Variants in CSMD3 observed in about 807,000 individuals in gnomAD.
CSMD3 encodes the protein CUB and sushi domain-containing protein 3.
Under a neutral mutation model 435.2 loss-of-function variants are expected in CSMD3, and 177 were observed. The observed-to-expected ratio is 0.41, with a 90% CI of 0.36 to 0.46. The LOEUF is 0.46. Ranked by LOEUF, CSMD3 falls within the 20% of genes least tolerant of loss-of-function variation. The pLI, the probability that CSMD3 is intolerant of heterozygous loss-of-function variation, is 0.34. For synonymous variants in CSMD3, 1,656 were observed against 1,520.5 expected, an observed-to-expected ratio of 1.09 and a Z score of -2.07; for missense variants, 4,265 against 4,504.6, an observed-to-expected ratio of 0.95 and a Z score of 1.52.
rs1229136972 is a variant in CSMD3 at position 113,066,219 on chromosome 8, A to G, written c.917+32537T>C. Among the ~76,000 whole-genome samples the G allele has an allele frequency of 5.3e-5, 8 of 152,008 alleles. No homozygotes were observed. The East Asian group carries it at 1.5e-3, about 29-fold the overall frequency. The stretch of plus-strand genomic sequence containing the variant: ...GCTATAGATTAGTAGGTTAATTATT[A>G]ATGATAAAATAGGTCTAAATTTGTA... On this transcript the variant is annotated intron_variant, in intron 5 of 70. Coordinates refer to ENST00000297405, the MANE Select transcript of CSMD3 (RefSeq NM_198123.2).
At chr8:113,159,329 T>G (rs2091994005) in intron 4 of CSMD3, among the ~76,000 whole-genome samples, 1 of 152,010 alleles carries the variant, frequency 6.6e-6, no homozygotes, top group Non-Finnish European at 1.5e-5. Context: ...GTGCCAATAT[T>G]GGCCAATAAA....
chr8:113,137,380 AAG>A (rs909374690), intron 4 of CSMD3, among the ~76,000 whole-genome samples: 11 of 151,878 alleles, frequency 7.2e-5, no homozygotes, highest in African/African-American at 1.9e-4. Flanking sequence ...TGTTTATAAA[AAG>A]AGTTTATTAA....
chr8:113,181,594 C>T (rs1216375713), intron 3 of CSMD3, among the ~76,000 whole-genome samples: 1 of 151,934 alleles, frequency 6.6e-6, no homozygotes, highest in African/African-American at 2.4e-5. Flanking sequence ...TTTACAAAAA[C>T]GATATTATAT....
At chr8:112,283,683 A>G (rs928750132) in intron 58 of CSMD3, among the ~76,000 whole-genome samples, 3 of 151,702 alleles carry the variant, frequency 2.0e-5, no homozygotes, top group Non-Finnish European at 4.4e-5. Flanking sequence ...TAATTTACCT[A>G]ACCAATTCCC....
chr8:112,750,616 G>C (rs573667658), intron 13 of CSMD3, among the ~76,000 whole-genome samples: 3 of 152,188 alleles, frequency 2.0e-5, no homozygotes, highest in South Asian at 4.1e-4. Flanking sequence ...AACTCTTACA[G>C]CAGGCAGGTC....
intron 24 of CSMD3, among the ~76,000 whole-genome samples, chr8:112,559,871 G>C (rs1402947034): frequency 6.6e-6 from 1 of 151,636 alleles, no homozygotes; most frequent in Admixed American, 6.6e-5. Context: ...CAGCTTCTGA[G>C]GATAGAAAAC....
intron 1 of CSMD3, among the ~76,000 whole-genome samples, chr8:113,371,590 G>A (rs2094346394): frequency 6.6e-6 from 1 of 151,998 alleles, no homozygotes; most frequent in South Asian, 2.1e-4. Flanking sequence ...CTTGGAACTC[G>A]GTGACAGTGT....
At chr8:112,776,801 T>C (rs2078257495) in intron 13 of CSMD3, among the ~76,000 whole-genome samples, 1 of 151,824 alleles carries the variant, frequency 6.6e-6, no homozygotes. Flanking sequence ...ATGTTAATTC[T>C]ATATCAAGGC....
At chr8:112,919,925 T>G (rs747705319) in intron 10 of CSMD3, among the ~76,000 whole-genome samples, 1 of 151,866 alleles carries the variant, frequency 6.6e-6, no homozygotes, top group Admixed American at 6.6e-5. Flanking sequence ...ATAGACAATG[T>G]TTTTTGGGTG....
chr8:113,288,064 A>G (rs926105778), intron 2 of CSMD3, among the ~76,000 whole-genome samples: 1 of 151,898 alleles, frequency 6.6e-6, no homozygotes, highest in African/African-American at 2.4e-5. Flanking sequence ...TTTTTGTTAC[A>G]AAAGTGTTCC....
Position 112,408,406 on chromosome 8 carries a change from T to G in CSMD3, c.5517A>C (p.Ser1839=), listed in dbSNP as rs2130065620. The change falls in exon 34 of 71, where the codon TCA becomes TCC. Residue 1839 remains serine (S), a synonymous_variant. Transcript: ENST00000297405. Reference sequence around the variant, plus strand: ...TCTGATTACCTGAACTCAGTGGAAGTGATTCTCCTACTCAACAAAACAAAC... The same window carrying G: ...TCTGATTACCTGAACTCAGTGGAAGGGATTCTCCTACTCAACAAAACAAAC... ...SSLSGSHSGE[S]LPLSSGNQIT... The G allele has an allele frequency of 6.3e-7, 1 of 1,599,152 alleles. No individual in the cohort carries two copies. The highest frequency in any genetic ancestry group is 8.6e-7 in the Non-Finnish European group (1 of 1,166,854).
intron 1 of CSMD3, among the ~76,000 whole-genome samples, chr8:113,427,881 AT>A (rs1405794227): frequency 6.6e-5 from 10 of 151,568 alleles, no homozygotes; most frequent in Admixed American, 3.3e-4. Flanking sequence ...TTATGATACA[AT>A]TTTATCATTT....
intron 60 of CSMD3, among the ~76,000 whole-genome samples, chr8:112,265,128 A>G (rs1396464329): frequency 1.3e-5 from 2 of 152,066 alleles, no homozygotes; most frequent in Admixed American, 6.6e-5. Flanking sequence ...ATCAATTTAT[A>G]TAAATAACAA....
chr8:112,708,975 A>C (rs2131908579), intron 13 of CSMD3, among the ~76,000 whole-genome samples: 1 of 152,128 alleles, frequency 6.6e-6, no homozygotes, highest in African/African-American at 2.4e-5. Flanking sequence ...TAACTAATAA[A>C]GTTTTCCCAT....
intron 1 of CSMD3, among the ~76,000 whole-genome samples, chr8:113,355,269 A>C (rs933045878): frequency 6.6e-6 from 1 of 151,676 alleles, no homozygotes; most frequent in Non-Finnish European, 1.5e-5. Context: ...GTACATATAT[A>C]ACACACACAC....
intron 32 of CSMD3, among the ~76,000 whole-genome samples, chr8:112,439,888 A>G (rs1453959487): frequency 6.6e-6 from 1 of 151,884 alleles, no homozygotes; most frequent in Admixed American, 6.6e-5. Flanking sequence ...TGTGAAGATT[A>G]CAATCAGATT....
intron 9 of CSMD3, among the ~76,000 whole-genome samples, chr8:112,933,818 G>T (rs2083194936): frequency 6.6e-6 from 1 of 151,860 alleles, no homozygotes; most frequent in East Asian, 1.9e-4. Context: ...GTTTTGCCGT[G>T]GGAATAGAAA....
intron 13 of CSMD3, among the ~76,000 whole-genome samples, chr8:112,710,376 G>A (rs2076585802): frequency 6.6e-6 from 1 of 151,930 alleles, no homozygotes; most frequent in Non-Finnish European, 1.5e-5. Flanking sequence ...AATCTCTTTA[G>A]CAGATTGCCT....
intron 4 of CSMD3, among the ~76,000 whole-genome samples, chr8:113,158,928 T>G (rs2091985929): frequency 6.6e-6 from 1 of 152,006 alleles, no homozygotes; most frequent in Non-Finnish European, 1.5e-5. Flanking sequence ...TGCCAAATAT[T>G]TTTTGAAACC....
Sources: gnomAD v4.1 joint callset for allele counts (sites outside exome capture counted in the v4.1 genomes callset) on GRCh38, gnomAD v4.1.1 for gene constraint, MANE v1.5 for transcripts, NCBI Gene and HGNC (gene_info 2026-07-23, HGNC 2026-07-21) for gene names.